ASTN2: variants seen among roughly 807,000 people sequenced by gnomAD.
The protein encoded by ASTN2 is astrotactin 2, also known as astrotactin-2.
In ASTN2, 54 loss-of-function variants were observed where a neutral mutation model predicts 139.8. That is an observed-to-expected ratio of 0.39 (90% CI 0.31 to 0.48). The LOEUF (loss-of-function observed/expected upper bound fraction) is 0.48. Among genes scored for constraint, ASTN2 ranks in the 20% least tolerant of loss-of-function variants. The pLI is 0.95. For missense variants in ASTN2, 1,565 were observed against 1,725.1 expected, an observed-to-expected ratio of 0.91 and a Z score of 1.64; for synonymous variants, 756 against 719.5, an observed-to-expected ratio of 1.05 and a Z score of -0.81.
Position 116,698,824 on chromosome 9 carries a change from T to C in ASTN2, c.2806+26947A>G, listed in dbSNP as rs1204627854. The C allele has an allele frequency of 3.1e-6, 5 of 1,614,058 alleles. No homozygotes were observed. The highest frequency in any genetic ancestry group is 4.2e-6 in the Non-Finnish European group (5 of 1,180,048). On this transcript the variant is annotated intron_variant, in intron 16 of 22. Transcript: ENST00000313400. The surrounding 1 kb of genome is among the most constrained non-coding windows in gnomAD (Gnocchi z 4.4). ...CAGCAGTGCCTCTTTCTCAAGAAGATGGGGGCCAAAGGCAGCACTCCAGGA... is the reference window on the plus strand; with the variant it reads ...CAGCAGTGCCTCTTTCTCAAGAAGACGGGGGCCAAAGGCAGCACTCCAGGA...
At chr9:116,914,200 G>A (rs1015682744) in intron 10 of ASTN2, among the ~76,000 whole-genome samples, 1 of 151,952 alleles carries the variant, frequency 6.6e-6, no homozygotes, top group African/African-American at 2.4e-5. Context: ...AAGGAGAGTT[G>A]CTGTGGCATG....
intron 20 of ASTN2, among the ~76,000 whole-genome samples, chr9:116,484,702 A>G (rs115968106): frequency 6.6e-6 from 1 of 152,280 alleles, no homozygotes; most frequent in African/African-American, 2.4e-5. Context: ...AAAATAGAGA[A>G]GTGTTCCGAG....
chr9:117,189,214 C>CTA (rs1342915322), intron 3 of ASTN2, among the ~76,000 whole-genome samples: 1 of 149,652 alleles, frequency 6.7e-6, no homozygotes, highest in African/African-American at 2.5e-5. Flanking sequence ...TGTTTACCCA[C>CTA]TACCCACTAG....
intron 1 of ASTN2, among the ~76,000 whole-genome samples, chr9:117,333,313 T>C (rs987450695): frequency 2.6e-5 from 4 of 152,062 alleles, no homozygotes; most frequent in Admixed American, 1.3e-4. Flanking sequence ...AATGAGGAAA[T>C]TGAGGGCCAG....
At chr9:117,189,779 G>A (rs1224684224) in intron 3 of ASTN2, among the ~76,000 whole-genome samples, 1 of 152,150 alleles carries the variant, frequency 6.6e-6, no homozygotes, top group Non-Finnish European at 1.5e-5. Context: ...CTTGGTCTCT[G>A]ATCTGCTGCC....
rs1834608125 is a variant in ASTN2 at position 117,292,073 on chromosome 9, C to CGTGTTCCTCT, written c.443-561_443-560insAGAGGAACAC. On this transcript the variant is annotated intron_variant, in intron 1 of 22. Coordinates refer to ENST00000313400, the MANE Select transcript of ASTN2 (RefSeq NM_001365068.1). ...CGTGTTCCTCTTGCTTCCACAAGAG[C>CGTGTTCCTCT]AGCTCCATTTTTTGTAAGGTATATA... is the stretch of plus-strand genomic sequence containing the variant. Among the ~76,000 whole-genome samples the CGTGTTCCTCT allele has an allele frequency of 2.0e-5, 3 of 152,200 alleles. No individual in the cohort carries two copies. In the East Asian group the frequency reaches 5.8e-4, roughly 30 times the overall value.
chr9:116,513,535 G>A (rs1587916669), intron 19 of ASTN2, among the ~76,000 whole-genome samples: 1 of 152,068 alleles, frequency 6.6e-6, no homozygotes, highest in Admixed American at 6.6e-5. Context: ...TCCTGAATTT[G>A]AATGTTGGCC....
intron 10 of ASTN2, among the ~76,000 whole-genome samples, chr9:116,893,569 C>G (rs1278796426): frequency 6.6e-6 from 1 of 152,156 alleles, no homozygotes; most frequent in Non-Finnish European, 1.5e-5. Context: ...GAACCTGGCT[C>G]TACTTGGTAT....
At chr9:116,709,390 G>A (rs55724065) in intron 16 of ASTN2, among the ~76,000 whole-genome samples, 39,762 of 152,132 alleles carry the variant, frequency 0.26, 5,458 homozygotes, top group South Asian at 0.47. Context: ...ACCATTGTAT[G>A]TGATGGAGCT....
At chr9:117,310,745 C>G (rs1213026601) in intron 1 of ASTN2, among the ~76,000 whole-genome samples, 1 of 152,134 alleles carries the variant, frequency 6.6e-6, no homozygotes, top group Non-Finnish European at 1.5e-5. Flanking sequence ...AATCCTCGCA[C>G]CTCAGCCACC....
chr9:117,262,737 T>A (rs945546593), intron 2 of ASTN2, among the ~76,000 whole-genome samples: 5 of 152,154 alleles, frequency 3.3e-5, no homozygotes, highest in Non-Finnish European at 7.4e-5. Context: ...AAGTTGCAAA[T>A]CAGCTGATCT....
At chr9:116,991,928 C>T (rs140993645) in intron 7 of ASTN2, among the ~76,000 whole-genome samples, 1 of 152,318 alleles carries the variant, frequency 6.6e-6, no homozygotes, top group African/African-American at 2.4e-5. Context: ...GAAACAAAGA[C>T]ATTAATGAAG....
intron 10 of ASTN2, among the ~76,000 whole-genome samples, chr9:116,893,257 C>T (rs973322088): frequency 6.6e-6 from 1 of 151,994 alleles, no homozygotes; most frequent in Non-Finnish European, 1.5e-5. Flanking sequence ...ACTCCAAGGA[C>T]ATTTCAGGAC....
intron 4 of ASTN2, among the ~76,000 whole-genome samples, chr9:117,137,637 C>T (rs1829984135): frequency 6.6e-6 from 1 of 152,064 alleles, no homozygotes; most frequent in Non-Finnish European, 1.5e-5. Flanking sequence ...TGCAGGACTT[C>T]TCAGAGTTTT....
At chr9:117,268,820 C>A (rs765561403) in intron 2 of ASTN2, among the ~76,000 whole-genome samples, 18 of 152,178 alleles carry the variant, frequency 1.2e-4, no homozygotes, top group Non-Finnish European at 2.4e-4. Flanking sequence ...AAGTCTGTCA[C>A]TCTAGTTAAT....
At chr9:117,107,826 A>C (rs553348663) in intron 4 of ASTN2, among the ~76,000 whole-genome samples, 2 of 152,238 alleles carry the variant, frequency 1.3e-5, no homozygotes, top group Non-Finnish European at 2.9e-5. Flanking sequence ...TCTAAACCAA[A>C]GTAAAGAACG....
intron 13 of ASTN2, among the ~76,000 whole-genome samples, chr9:116,775,549 G>C (rs1404622992): frequency 8.9e-6 from 1 of 112,644 alleles, no homozygotes; most frequent in Non-Finnish European, 1.8e-5. Context: ...GGGAGGGGAG[G>C]GGAGGGGATG....
rs141208027 is a variant in ASTN2 at position 116,862,911 on chromosome 9, C to A, written c.2040+672G>T. ...AGAATAAAAGCTTCTAGAGGTAGAA[C>A]CCTGTATCTTAGGTCATTCTTATAA... On this transcript the variant is annotated intron_variant, in intron 11 of 22. Transcript: ENST00000313400. Among the ~76,000 whole-genome samples, 1,247 of 151,904 alleles carry A rather than the reference C, an allele frequency of 8.2e-3. 48 individuals are homozygous for A. Among genetic ancestry groups the A allele is most frequent in the Admixed American group, 0.073 (1,117 of 15,252 alleles).
chr9:117,175,753 A>T (rs1480239414), intron 3 of ASTN2, among the ~76,000 whole-genome samples: 1 of 152,208 alleles, frequency 6.6e-6, no homozygotes, highest in Non-Finnish European at 1.5e-5. Flanking sequence ...TTACAAGCAA[A>T]ATCTTAAAAA....
Sources: gnomAD v4.1 joint callset for allele counts (sites outside exome capture counted in the v4.1 genomes callset) on GRCh38, gnomAD v4.1.1 for gene constraint, Gnocchi (gnomAD v3.1) non-coding constraint, MANE v1.5 for transcripts, NCBI Gene and HGNC (gene_info 2026-07-23, HGNC 2026-07-21) for gene names.